C1QTNF1: variants seen among roughly 807,000 people sequenced by gnomAD.
C1QTNF1 encodes C1q and TNF related 1, also known as complement C1q tumor necrosis factor-related protein 1.
C1QTNF1 carries 22 observed loss-of-function variants against 27.8 expected under a neutral mutation model. That is an observed-to-expected ratio of 0.79 (90% CI 0.56 to 1.13). C1QTNF1 has a LOEUF of 1.13. Among genes scored for constraint, C1QTNF1 ranks in the 50% most tolerant of loss-of-function variants. The probability of loss-of-function intolerance (pLI) is 0.00; values close to 1 mark genes in which losing one functional copy is unlikely to be tolerated. For missense variants in C1QTNF1, 373 were observed against 380.2 expected (o/e 0.98, Z 0.16); for synonymous variants, 166 against 154.3 (o/e 1.08, Z -0.56).
At chr17:79,037,960 C>T (rs2072303582) in intron 1 of C1QTNF1, among the ~76,000 whole-genome samples, 1 of 151,926 alleles carries the variant, frequency 6.6e-6, no homozygotes, top group South Asian at 2.1e-4. Flanking sequence ...GTGTGAGCCA[C>T]CACAAGCAAA....
At position 79,048,151 on chromosome 17, in the gene C1QTNF1, C is replaced by G; in HGVS notation, c.*63C>G. 1.5e-5 allele frequency: 14 copies of G among 942,468 alleles called. No individual in the cohort carries two copies. Among genetic ancestry groups the G allele is most frequent in the Non-Finnish European group, 1.9e-5 (14 of 744,468 alleles). 58.4% of individuals were successfully genotyped at this position (942,468 alleles called of 1,614,324 possible). A position where few individuals can be genotyped will look rare whatever the true frequency, so the allele number is the denominator to read the frequency against. On this transcript the variant is annotated 3_prime_UTR_variant, in exon 4 of 4. Coordinates refer to ENST00000579760, the MANE Select transcript of C1QTNF1 (RefSeq NM_030968.5). The stretch of plus-strand genomic sequence containing the variant: ...CCCTGCGCTGTGCTGACCCCACCGC[C>G]TCTTCCCCGATCCCTGGACTCCGAC...
At chr17:79,029,025 G>A (rs1261790111) in intron 1 of C1QTNF1, among the ~76,000 whole-genome samples, 3 of 152,160 alleles carry the variant, frequency 2.0e-5, no homozygotes, top group African/African-American at 7.2e-5. Context: ...TTAGCACATT[G>A]CATCAAGGAA....
chr17:79,026,444 G>A (rs1007706289), intron 1 of C1QTNF1, among the ~76,000 whole-genome samples: 3 of 152,134 alleles, frequency 2.0e-5, no homozygotes, highest in South Asian at 2.1e-4. Context: ...GTGAGCCACC[G>A]CGCCTGGCCT....
chr17:79,039,347 A>G (rs939900824), intron 1 of C1QTNF1, among the ~76,000 whole-genome samples: 1 of 152,212 alleles, frequency 6.6e-6, no homozygotes, highest in Non-Finnish European at 1.5e-5. Context: ...ATCTAGGCCC[A>G]AACCTCAATG....
At chr17:79,042,736 TC>T (rs1186668111) in intron 1 of C1QTNF1, among the ~76,000 whole-genome samples, 4 of 152,302 alleles carry the variant, frequency 2.6e-5, no homozygotes, top group African/African-American at 9.6e-5. Context: ...GGACTCTCCT[TC>T]CCGAGAGGCT....
In C1QTNF1 at chr17:79,047,755, C is replaced by T. The variant is rs763063134; in HGVS notation, c.513C>T (p.Phe171=). The change falls in exon 4 of 4, where the codon TTC becomes TTT. Residue 171 remains phenylalanine (F), a synonymous_variant. Coordinates refer to ENST00000579760, the MANE Select transcript of C1QTNF1 (RefSeq NM_030968.5). Reference sequence around the variant, plus strand: ...AGACGGTGATCTTCGACACGGAGTTCGTGAACCTCTACGACCACTTCAACA... The same window carrying T: ...AGACGGTGATCTTCGACACGGAGTTTGTGAACCTCTACGACCACTTCAACA... ...YYQTVIFDTE[F]VNLYDHFNMF... 3.7e-6 allele frequency: 6 copies of T among 1,614,180 alleles called. No individual in the cohort carries two copies. Among genetic ancestry groups the T allele is most frequent in the East Asian group, 4.5e-5 (2 of 44,872 alleles).
At chr17:79,023,693 TGC>T (rs143597397), upstream of C1QTNF1, among the ~76,000 whole-genome samples, 33 of 136,228 alleles carry the variant, frequency 2.4e-4, no homozygotes, top group Admixed American at 2.9e-4. Context: ...CCAAAGGTGA[TGC>T]GCGCGCGCGC....
chr17:79,035,448 T>C (rs1352913823), intron 1 of C1QTNF1, among the ~76,000 whole-genome samples: 1 of 151,930 alleles, frequency 6.6e-6, no homozygotes, highest in East Asian at 1.9e-4. Flanking sequence ...TTTTTTTTTT[T>C]TTGAGACAGT....
chr17:79,038,279 C>G (rs1423371550), intron 1 of C1QTNF1, among the ~76,000 whole-genome samples: 2 of 152,182 alleles, frequency 1.3e-5, no homozygotes, highest in Non-Finnish European at 2.9e-5. Flanking sequence ...CGTGAGCCAC[C>G]GCGCCCGGCC....
chr17:79,043,403 G>C, intron 1 of C1QTNF1: 1 of 452,008 alleles, frequency 2.2e-6, no homozygotes, highest in Non-Finnish European at 4.4e-6. Context: ...ATGTGCATGT[G>C]AGTGTGAGTG....
intron 1 of C1QTNF1, chr17:79,034,633 C>G (rs1254639580): frequency 6.6e-6 from 1 of 152,160 alleles, no homozygotes; most frequent in Non-Finnish European, 1.5e-5. Context: ...TTTTTTGTCC[C>G]AAGCCAGACC....
intron 1 of C1QTNF1, among the ~76,000 whole-genome samples, chr17:79,026,436 G>T (rs975636363): frequency 7.2e-5 from 11 of 152,202 alleles, no homozygotes; most frequent in African/African-American, 2.7e-4. Context: ...TTACAGGGGT[G>T]AGCCACCGCG....
rs949817445 is a variant in C1QTNF1 at position 79,046,423 on chromosome 17, A to T, written c.156-132A>T. On this transcript the variant is annotated intron_variant, in intron 2 of 3. Coordinates refer to ENST00000579760, the MANE Select transcript of C1QTNF1 (RefSeq NM_030968.5). The surrounding 1 kb of genome is among the most constrained non-coding windows in gnomAD (Gnocchi z 4.8). ...GGGCCGTGAGCCCACCAGCGTGAAC[A>T]CAGAGCCTTGTGGGTCCAGGTGAGA... 9 of 1,284,982 alleles carry T rather than the reference A, an allele frequency of 7.0e-6. No homozygotes were observed. The highest frequency in any genetic ancestry group is 8.8e-6 in the Non-Finnish European group (8 of 913,788). 79.6% of individuals were successfully genotyped at this position (1,284,982 alleles called of 1,614,324 possible).
chr17:79,048,173 C>G lies in C1QTNF1; in HGVS notation c.*85C>G, dbSNP rs896337204. The G allele has an allele frequency of 8.2e-6, 8 of 976,770 alleles. No individual in the cohort carries two copies. The highest frequency in any genetic ancestry group is 1.1e-5 in the Non-Finnish European group (8 of 748,922). 60.5% of individuals were successfully genotyped at this position (976,770 alleles called of 1,614,324 possible). A position where few individuals can be genotyped will look rare whatever the true frequency, so the allele number is the denominator to read the frequency against. ...CGCCTCTTCCCCGATCCCTGGACTC[C>G]GACTCCCTGGCTTTGGCATTCAGTG... On this transcript the variant is annotated 3_prime_UTR_variant, in exon 4 of 4. Transcript: ENST00000579760.
rs1168611946 is a variant in C1QTNF1, at chr17:79,048,483, A to C, written c.*395A>C. On this transcript the variant is annotated 3_prime_UTR_variant, in exon 4 of 4. Coordinates refer to ENST00000579760, the MANE Select transcript of C1QTNF1 (RefSeq NM_030968.5). ...CAAAGTAAACCGTGGAGGACAAAGAAAAGGGTTGTTATTTTTGTCTTTCCA... is the reference window on the plus strand; with the variant it reads ...CAAAGTAAACCGTGGAGGACAAAGACAAGGGTTGTTATTTTTGTCTTTCCA... 3 of 175,554 alleles carry C rather than the reference A, an allele frequency of 1.7e-5. No homozygotes were observed. Among genetic ancestry groups the C allele is most frequent in the Non-Finnish European group, 3.6e-5 (3 of 84,042 alleles). 10.9% of individuals were successfully genotyped at this position (175,554 alleles called of 1,614,324 possible).
chr17:79,027,875 G>C (rs1008454944), intron 1 of C1QTNF1, among the ~76,000 whole-genome samples: 1 of 152,220 alleles, frequency 6.6e-6, no homozygotes, highest in Non-Finnish European at 1.5e-5. Flanking sequence ...AAGGGGGATG[G>C]TCTCCAGCAG....
chr17:79,029,769 C>T (rs976129259), intron 1 of C1QTNF1, among the ~76,000 whole-genome samples: 2 of 152,182 alleles, frequency 1.3e-5, no homozygotes, highest in Admixed American at 6.5e-5. Context: ...CTCTCTGGCT[C>T]GCCTAATTCC....
intron 1 of C1QTNF1, chr17:79,041,767 T>A (rs1245305221): frequency 8.5e-6 from 1 of 118,284 alleles, no homozygotes; most frequent in African/African-American, 4.2e-5. Flanking sequence ...CAAGACTCCA[T>A]CTCAAAAAAA....
intron 1 of C1QTNF1, chr17:79,043,486 A>G (rs1486723153): frequency 6.7e-6 from 3 of 446,440 alleles, no homozygotes; most frequent in South Asian, 3.1e-5. Flanking sequence ...GGGTGCGTGG[A>G]TTGCATGAGT....
Sources: allele counts gnomAD v4.1 joint callset (sites outside exome capture counted in the v4.1 genomes callset), GRCh38; gene constraint gnomAD v4.1.1; non-coding constraint Gnocchi (gnomAD v3.1); transcripts MANE v1.5; gene names NCBI Gene and HGNC (gene_info 2026-07-23, HGNC 2026-07-21).